Variants in PLXNA4 observed in about 807,000 individuals in gnomAD.
The protein encoded by PLXNA4 is plexin-A4.
In PLXNA4, 44 loss-of-function variants were observed where a neutral mutation model predicts 191.8. That is an observed-to-expected ratio of 0.23 (90% CI 0.18 to 0.29). PLXNA4 has a LOEUF of 0.29. PLXNA4 is among the 10% of genes least tolerant of loss of function. The pLI is 1.00. For missense variants in PLXNA4, 1,800 were observed against 2,488.8 expected, an observed-to-expected ratio of 0.72 and a Z score of 5.89; for synonymous variants, 1,082 against 1,009.5, an observed-to-expected ratio of 1.07 and a Z score of -1.36.
At chr7:132,618,556 A>G (rs1803198684) in intron 2 of PLXNA4, among the ~76,000 whole-genome samples, 1 of 152,206 alleles carries the variant, frequency 6.6e-6, no homozygotes, top group Non-Finnish European at 1.5e-5. Flanking sequence ...GCTTCCCTCC[A>G]GTTCTGCCTA....
At chr7:132,340,404 G>T (rs1802982521) in intron 3 of PLXNA4, among the ~76,000 whole-genome samples, 1 of 152,202 alleles carries the variant, frequency 6.6e-6, no homozygotes, top group African/African-American at 2.4e-5. Context: ...GAGGGGCAAG[G>T]CTTCCAAGGC....
chr7:132,259,949 T>C (rs1452197835), intron 4 of PLXNA4, among the ~76,000 whole-genome samples: 1 of 152,174 alleles, frequency 6.6e-6, no homozygotes, highest in African/African-American at 2.4e-5. Flanking sequence ...GAAAGACCTG[T>C]GGTTCAATGA....
chr7:132,496,796 G>A (rs1468738983), intron 2 of PLXNA4, among the ~76,000 whole-genome samples: 1 of 152,114 alleles, frequency 6.6e-6, no homozygotes, highest in Admixed American at 6.6e-5. Context: ...GGGGACTGCT[G>A]GGGAAGAGAC....
chr7:132,269,689 C>T (rs2116317831), intron 4 of PLXNA4, among the ~76,000 whole-genome samples: 1 of 151,940 alleles, frequency 6.6e-6, no homozygotes, highest in Non-Finnish European at 1.5e-5. Context: ...CCAACTGTTG[C>T]CCTTCCAAAA....
At chr7:132,526,250 C>T (rs767061809) in intron 1 of PLXNA4, among the ~76,000 whole-genome samples, 2 of 152,296 alleles carry the variant, frequency 1.3e-5, no homozygotes, top group Middle Eastern at 6.8e-3. Context: ...ACCAAAGGCT[C>T]ATGCATGGAA....
intron 2 of PLXNA4, among the ~76,000 whole-genome samples, chr7:132,589,326 T>C (rs1236639200): frequency 6.6e-6 from 1 of 152,184 alleles, no homozygotes; most frequent in African/African-American, 2.4e-5. Flanking sequence ...ATCATAACAC[T>C]ATATTAAATT....
chr7:132,236,075 G>A lies in PLXNA4; in HGVS notation c.1604+4991C>T, dbSNP rs1490910528. ...CCTGTGTGCTACCAGGTTGGCAGGCGAGTGCTTCATGACAATTGAGAGTAG... is the reference window on the plus strand; with the variant it reads ...CCTGTGTGCTACCAGGTTGGCAGGCAAGTGCTTCATGACAATTGAGAGTAG... On this transcript the variant is annotated intron_variant, in intron 5 of 31. Transcript: ENST00000321063. 2.6e-5 allele frequency among the ~76,000 whole-genome samples: 4 copies of A among 152,188 alleles called. 1 individual carries two copies. The highest frequency in any genetic ancestry group is 4.4e-5 in the Non-Finnish European group (3 of 68,048).
At chr7:132,367,505 T>G (rs1804236881) in intron 3 of PLXNA4, 1 of 150,100 alleles carries the variant, frequency 6.7e-6, no homozygotes, top group Admixed American at 6.6e-5. Flanking sequence ...GGTGAAGGTA[T>G]TGGGAAGAAA....
At chr7:132,148,447 G>A (rs1795498672) in intron 26 of PLXNA4, 96 bp downstream of exon 26, 3 of 1,531,642 alleles carry the variant, frequency 2.0e-6, no homozygotes, top group Admixed American at 3.7e-5. Context: ...GTGCTGGTGA[G>A]GGGCTTGGTG....
intron 21 of PLXNA4, among the ~76,000 whole-genome samples, chr7:132,171,156 C>A (rs1796274551): frequency 6.6e-6 from 1 of 152,240 alleles, no homozygotes; most frequent in African/African-American, 2.4e-5. Flanking sequence ...AAGAGCAGTT[C>A]TATGACTTGT....
At chr7:132,471,756 T>G (rs959607934) in intron 3 of PLXNA4, among the ~76,000 whole-genome samples, 1 of 151,906 alleles carries the variant, frequency 6.6e-6, no homozygotes, top group Non-Finnish European at 1.5e-5. Flanking sequence ...AAACTCTGGT[T>G]CCCCCTTCAC....
At chr7:132,621,268 GT>G (rs542790311) in intron 2 of PLXNA4, among the ~76,000 whole-genome samples, 15 of 83,208 alleles carry the variant, frequency 1.8e-4, no homozygotes, top group Middle Eastern at 6.5e-3. Context: ...TGGTTTTTTT[GT>G]TTTTTTTTTT....
At chr7:132,283,129 C>T (rs917346364) in intron 4 of PLXNA4, among the ~76,000 whole-genome samples, 5 of 152,092 alleles carry the variant, frequency 3.3e-5, no homozygotes, top group African/African-American at 9.7e-5. Context: ...CCTCGGCCTC[C>T]GAGAATGCTA....
intron 3 of PLXNA4, among the ~76,000 whole-genome samples, chr7:132,469,594 G>C (rs923113549): frequency 3.3e-5 from 5 of 152,160 alleles, no homozygotes; most frequent in African/African-American, 1.2e-4. Flanking sequence ...GCTCCATTTG[G>C]ATGCTTTGCA....
At chr7:132,148,243 A>G (rs548891255) in intron 26 of PLXNA4, among the ~76,000 whole-genome samples, 3 of 152,280 alleles carry the variant, frequency 2.0e-5, no homozygotes, top group South Asian at 4.1e-4. Context: ...AGCATTCTCA[A>G]TCCCAGTGCT....
At chr7:132,227,356 T>G (rs759944833) in intron 7 of PLXNA4, 95 bp downstream of exon 7, 2 of 1,517,768 alleles carry the variant, frequency 1.3e-6, no homozygotes, top group Non-Finnish European at 1.8e-6. Context: ...CTCTCCTGCC[T>G]GCAGGTTGCT....
At chr7:132,505,041 C>A (rs1439553696) in intron 2 of PLXNA4, among the ~76,000 whole-genome samples, 2 of 152,226 alleles carry the variant, frequency 1.3e-5, no homozygotes, top group Non-Finnish European at 2.9e-5. Flanking sequence ...ACCAGCCTGG[C>A]CTTTTTCAGA....
In PLXNA4 at chr7:132,489,308, CT is replaced by C; in HGVS notation, c.1354del (p.Ser452ValfsTer4). 6.3e-7 allele frequency: 1 copy of C among 1,585,356 alleles called. No homozygotes were observed. The part of the protein sequence containing the change: ...NHSLAFVGTK[S>X]GKLKKIRVDG... ...CATTCCTACCTTCTTCAGCTTGCCACTTTTGGTGCCCACAAAGGCCAGAGAG... is the reference window on the plus strand; with the variant it reads ...CATTCCTACCTTCTTCAGCTTGCCACTTTGGTGCCCACAAAGGCCAGAGAG... On this transcript the variant is annotated frameshift_variant, in exon 3 of 32. Coordinates refer to ENST00000321063, the MANE Select transcript of PLXNA4 (RefSeq NM_020911.2). LOFTEE classifies it high-confidence loss of function.
intron 1 of PLXNA4, among the ~76,000 whole-genome samples, chr7:132,569,684 AAC>A (rs1801887137): frequency 6.6e-6 from 1 of 152,218 alleles, no homozygotes; most frequent in South Asian, 2.1e-4. Flanking sequence ...CTTTTTCCAC[AAC>A]AGTGGTTTTT....
Sources: allele counts gnomAD v4.1 joint callset (sites outside exome capture counted in the v4.1 genomes callset), GRCh38; gene constraint gnomAD v4.1.1; transcripts MANE v1.5; gene names NCBI Gene and HGNC (gene_info 2026-07-23, HGNC 2026-07-21).